Variants in TRAF7 observed in about 807,000 individuals in gnomAD.
The protein encoded by TRAF7 is E3 ubiquitin-protein ligase TRAF7.
In TRAF7, 45 loss-of-function variants were observed where a neutral mutation model predicts 89.3. The observed-to-expected ratio is 0.50, with a 90% CI of 0.40 to 0.65. The LOEUF is 0.65. TRAF7 is among the 30% of genes least tolerant of loss of function. TRAF7 has a pLI of 0.00. For missense variants in TRAF7, 677 were observed against 918.1 expected (o/e 0.74, Z 3.39); for synonymous variants, 406 against 369.2 (o/e 1.10, Z -1.14).
At position 2,166,737 on chromosome 16, in the gene TRAF7, G is replaced by A. The variant is rs535560198; in HGVS notation, c.139+801G>A. The stretch of plus-strand genomic sequence containing the variant: ...TCACCTGCACAAGACCACTGGGCGG[G>A]ATACACGACAGAAACCTGAAGCTTC... On this transcript the variant is annotated intron_variant, in intron 3 of 20. Coordinates refer to ENST00000326181, the MANE Select transcript of TRAF7 (RefSeq NM_032271.3). Among the ~76,000 whole-genome samples, 8 of 152,322 alleles carry A rather than the reference G, an allele frequency of 5.3e-5. No homozygotes were observed. The South Asian group carries it at 1.7e-3, about 32-fold the overall frequency.
At position 2,168,051 on chromosome 16, in the gene TRAF7, G is replaced by C. The variant is rs148034447; in HGVS notation, c.140-26G>C. 169 of 1,606,612 alleles carry C rather than the reference G, an allele frequency of 1.1e-4. No homozygotes were observed. The African/African-American group carries it at 1.5e-3, about 14-fold the overall frequency. On this transcript the variant is annotated intron_variant, in intron 3 of 20. Coordinates refer to ENST00000326181, the MANE Select transcript of TRAF7 (RefSeq NM_032271.3). This position sits in a 1 kb window ranked among gnomAD's most constrained non-coding sequence, Gnocchi z 4.1. ...CACATCTGCTGAGGGAGCCCCCACT[G>C]AGACGCCAGCCCTCTTGCCTTGCAG...
chr16:2,163,675 G>A lies in TRAF7; in HGVS notation c.-38-208G>A, dbSNP rs757085299. The A allele has an allele frequency of 1.1e-5, 6 of 556,932 alleles. No homozygotes were observed. The highest frequency in any genetic ancestry group is 3.1e-5 in the East Asian group (1 of 32,546). The allele number at this position is 556,932 out of a possible 1,614,324, so 34.5% of individuals were successfully genotyped here. A position where few individuals can be genotyped will look rare whatever the true frequency, so the allele number is the denominator to read the frequency against. ...CCTTGAGGGACGGTGACGCAGAGCC[G>A]CCTGCCTGCCCGGGCCTCTGCATAC... is the stretch of plus-strand genomic sequence containing the variant. On this transcript the variant is annotated intron_variant, in intron 1 of 20. Transcript: ENST00000326181. The surrounding 1 kb of genome is among the most constrained non-coding windows in gnomAD (Gnocchi z 4.3).
At chr16:2,175,076 T>G in intron 14 of TRAF7, 35 bp from the exon 15 acceptor site, 2 of 1,613,610 alleles carry the variant, frequency 1.2e-6, no homozygotes, top group Non-Finnish European at 1.7e-6. Flanking sequence ...GGACACAGCT[T>G]CTCCCACCTT....
rs1245084706 is a variant in TRAF7 at position 2,174,190 on chromosome 16, A to AT, written c.1264-60dup. On this transcript the variant is annotated intron_variant, in intron 13 of 20. Coordinates refer to ENST00000326181, the MANE Select transcript of TRAF7 (RefSeq NM_032271.3). ...CGGGGCTCCCTCACTCATTCCTGTC[A>AT]TGCTGCCCCTTGACACTGGGCTGAC... The AT allele has an allele frequency of 9.4e-6, 15 of 1,598,212 alleles. No homozygotes were observed. The Admixed American group carries it at 1.8e-4, about 20-fold the overall frequency.
chr16:2,177,937 G>C lies in TRAF7; in HGVS notation c.*1363G>C, dbSNP rs1478053215. 1.1e-5 allele frequency: 4 copies of C among 349,532 alleles called. No individual in the cohort carries two copies. Among genetic ancestry groups the C allele is most frequent in the Non-Finnish European group, 2.1e-5 (4 of 186,114 alleles). The allele number at this position is 349,532 out of a possible 1,614,324, so 21.7% of individuals were successfully genotyped here. A position where few individuals can be genotyped will look rare whatever the true frequency, so the allele number is the denominator to read the frequency against. Reference sequence around the variant, plus strand: ...CACTCTGGCCGGAGGAAGGACCGCAGGCAGACAGCCTGGGCCTCTAACAGC... The same window carrying C: ...CACTCTGGCCGGAGGAAGGACCGCACGCAGACAGCCTGGGCCTCTAACAGC... On this transcript the variant is annotated 3_prime_UTR_variant, in exon 21 of 21. Transcript: ENST00000326181.
intron 5 of TRAF7, 102 bp from the exon 6 acceptor site, chr16:2,171,162 C>A: frequency 3.2e-6 from 3 of 948,566 alleles, no homozygotes; most frequent in Non-Finnish European, 4.8e-6. Flanking sequence ...ACCCTGTCCT[C>A]AGAGGACAGC....
intron 3 of TRAF7, among the ~76,000 whole-genome samples, chr16:2,167,380 G>A (rs2093090926): frequency 6.6e-6 from 1 of 152,240 alleles, no homozygotes; most frequent in South Asian, 2.1e-4. Context: ...GGCTGGTCCT[G>A]AGTCCGGGAG....
At chr16:2,167,830 C>T (rs577908972) in intron 3 of TRAF7, among the ~76,000 whole-genome samples, 6 of 152,234 alleles carry the variant, frequency 3.9e-5, no homozygotes, top group African/African-American at 7.2e-5. Context: ...CAGGGGCTAC[C>T]GGGCTCAGCG....
At position 2,172,258 on chromosome 16, in the gene TRAF7, C is replaced by T. The variant is rs367889112; in HGVS notation, c.543C>T (p.Ile181=). The T allele has an allele frequency of 4.6e-5, 74 of 1,612,972 alleles. No individual in the cohort carries two copies. The South Asian group carries it at 4.8e-4, about 11-fold the overall frequency. Residue 181 remains isoleucine (I), a synonymous_variant, in exon 8 of 21, where the codon ATC becomes ATT. Transcript: ENST00000326181. ...VVNNIAVAEQ[I]GELFIHCRHG... The stretch of plus-strand genomic sequence containing the variant: ...ACAACATCGCGGTGGCCGAGCAGAT[C>T]GGGGAGCTCTTCATCCACTGCCGGC...
Position 2,171,518 on chromosome 16 carries a change from C to G in TRAF7, c.442-54C>G. The G allele has an allele frequency of 3.7e-6, 6 of 1,611,810 alleles. No homozygotes were observed. In the South Asian group the frequency reaches 5.5e-5, roughly 15 times the overall value. ...GGCCTGTGGCTGCCATGGCCATGGA[C>G]TAGGGAAAAAGAGGACCCTGCGCCA... On this transcript the variant is annotated intron_variant, in intron 6 of 20. Coordinates refer to ENST00000326181, the MANE Select transcript of TRAF7 (RefSeq NM_032271.3).
At chr16:2,173,859 T>TGGGGGGGGC in intron 12 of TRAF7, 23 bp downstream of exon 12, 3 of 1,246,172 alleles carry the variant, frequency 2.4e-6, no homozygotes, top group Non-Finnish European at 3.3e-6. Flanking sequence ...CCGCCGTGGC[T>TGGGGGGGGC]CCCGCCCACC....
In TRAF7 at chr16:2,177,353, C is replaced by T. The variant is rs564093492; in HGVS notation, c.*779C>T. 2.1e-4 allele frequency: 50 copies of T among 233,894 alleles called. No individual in the cohort carries two copies. The highest frequency in any genetic ancestry group is 3.3e-4 in the Non-Finnish European group (39 of 118,390). 14.5% of individuals were successfully genotyped at this position (233,894 alleles called of 1,614,324 possible). On this transcript the variant is annotated 3_prime_UTR_variant, in exon 21 of 21. Transcript: ENST00000326181. ...GACAGCAGGAAGGGGCCCTGCACGCCGGGACGCCACCTCCGCCAGCCGCCT... is the reference window on the plus strand; with the variant it reads ...GACAGCAGGAAGGGGCCCTGCACGCTGGGACGCCACCTCCGCCAGCCGCCT...
At chr16:2,164,175 C>CGCGCGAGCACGCGT (rs2093070731) in intron 2 of TRAF7, among the ~76,000 whole-genome samples, 174 bp downstream of exon 2, 1 of 119,592 alleles carries the variant, frequency 8.4e-6, no homozygotes, top group Non-Finnish European at 1.7e-5. Context: ...CGCGCGCGCG[C>CGCGCGAGCACGCGT]GCGCGCACGC....
chr16:2,173,857 G>GCGGGGGCGCCCCCC, intron 12 of TRAF7, 21 bp downstream of exon 12: 3 of 1,607,486 alleles, frequency 1.9e-6, no homozygotes, highest in Non-Finnish European at 2.5e-6. Flanking sequence ...ACCCGCCGTG[G>GCGGGGGCGCCCCCC]CTCCCGCCCA....
chr16:2,173,857 G>GCGGGGCCCCCCCCCCC, intron 12 of TRAF7, 21 bp downstream of exon 12: 1 of 1,607,508 alleles, frequency 6.2e-7, no homozygotes, highest in Non-Finnish European at 8.5e-7. Flanking sequence ...ACCCGCCGTG[G>GCGGGGCCCCCCCCCCC]CTCCCGCCCA....
At chr16:2,171,025 C>T (rs1024134165) in intron 5 of TRAF7, among the ~76,000 whole-genome samples, 43 of 152,350 alleles carry the variant, frequency 2.8e-4, no homozygotes, top group Non-Finnish European at 5.9e-5. Flanking sequence ...CGGGCGAGGG[C>T]GGCCAAGGCT....
rs2141301085 is a variant in TRAF7, at chr16:2,177,032, T to A, written c.*458T>A. ...ACTGGCTGCTGTGAGTGGGGGGGCATGGGGCAGTTTCCTTTGGTGGACCCC... is the reference window on the plus strand; with the variant it reads ...ACTGGCTGCTGTGAGTGGGGGGGCAAGGGGCAGTTTCCTTTGGTGGACCCC... On this transcript the variant is annotated 3_prime_UTR_variant, in exon 21 of 21. Transcript: ENST00000326181. The A allele has an allele frequency of 3.2e-6, 1 of 317,238 alleles. No individual in the cohort carries two copies. The highest frequency in any genetic ancestry group is 6.0e-6 in the Non-Finnish European group (1 of 167,730). The allele number at this position is 317,238 out of a possible 1,614,324, so 19.7% of individuals were successfully genotyped here. A position where few individuals can be genotyped will look rare whatever the true frequency, so the allele number is the denominator to read the frequency against.
chr16:2,168,489 C>T lies in TRAF7; in HGVS notation c.231+321C>T. 3.4e-6 allele frequency: 1 copy of T among 290,434 alleles called. No homozygotes were observed. The highest frequency in any genetic ancestry group is 8.2e-5 in the East Asian group (1 of 12,252). 18.0% of individuals were successfully genotyped at this position (290,434 alleles called of 1,614,324 possible). On this transcript the variant is annotated intron_variant, in intron 4 of 20. Transcript: ENST00000326181. The surrounding 1 kb of genome is among the most constrained non-coding windows in gnomAD (Gnocchi z 4.1). ...AGAAAGTTCAGTCAGGAGGATAGCA[C>T]AATAAAATACATGCTTTGAAAGCTT...
Position 2,176,096 on chromosome 16 carries a change from C to T in TRAF7, c.1794C>T (p.His598=), listed in dbSNP as rs773398439. ...SKEQVRTLTG[H]VGTVYALAVI... ...AGCAGGTGCGGACCCTCACGGGCCACGTGGGCACCGTGTATGCCCTGGCGG... is the reference window on the plus strand; with the variant it reads ...AGCAGGTGCGGACCCTCACGGGCCATGTGGGCACCGTGTATGCCCTGGCGG... Residue 598 remains histidine, a synonymous_variant, in exon 19 of 21, where the codon CAC becomes CAT. Transcript: ENST00000326181. 8.7e-6 allele frequency: 14 copies of T among 1,611,176 alleles called. No homozygotes were observed. The highest frequency in any genetic ancestry group is 2.2e-5 in the East Asian group (1 of 44,866).
Sources: allele counts gnomAD v4.1 joint callset (sites outside exome capture counted in the v4.1 genomes callset), GRCh38; gene constraint gnomAD v4.1.1; non-coding constraint Gnocchi (gnomAD v3.1); transcripts MANE v1.5; gene names NCBI Gene and HGNC (gene_info 2026-07-23, HGNC 2026-07-21).